IARS1: variants seen among roughly 807,000 people sequenced by gnomAD.
IARS1 encodes the protein isoleucyl-tRNA synthetase 1.
IARS1 carries 124 observed loss-of-function variants against 168.2 expected under a neutral mutation model. The ratio of observed to expected loss-of-function variants is 0.74; its 90% confidence interval spans 0.64 to 0.86. The LOEUF (loss-of-function observed/expected upper bound fraction) is 0.86, where lower values mean the gene tolerates loss of function less well. Ranked by LOEUF, IARS1 falls within the 40% of genes least tolerant of loss-of-function variation. The probability of loss-of-function intolerance (pLI) is 0.00; values close to 1 mark genes in which losing one functional copy is unlikely to be tolerated. For synonymous variants in IARS1, 532 were observed against 529.4 expected, an observed-to-expected ratio of 1.00 and a Z score of -0.07; for missense variants, 1,452 against 1,515.8, an observed-to-expected ratio of 0.96 and a Z score of 0.70.
At chr9:92,226,317 A>G (rs1019702507) in intron 31 of IARS1, among the ~76,000 whole-genome samples, 5 of 152,184 alleles carry the variant, frequency 3.3e-5, no homozygotes, top group African/African-American at 1.2e-4. Flanking sequence ...CCCTGACAAC[A>G]TTTGAGTCTG....
chr9:92,251,257 G>A (rs748673055), intron 22 of IARS1: 10 of 434,888 alleles, frequency 2.3e-5, no homozygotes, highest in East Asian at 7.1e-5. Context: ...ATTTTCCTTC[G>A]GTTAAGGAAT....
rs1831294327 is a variant in IARS1 at position 92,260,038 on chromosome 9, T to A, written c.1871+113A>T. On this transcript the variant is annotated intron_variant, in intron 18 of 33. Coordinates refer to ENST00000443024, the MANE Select transcript of IARS1 (RefSeq NM_002161.6). ...CAACATAACATCCAAATAACAGAGA[T>A]ATGTTGCTAAAAACCTAACTATAAA... 1.5e-5 allele frequency: 11 copies of A among 712,046 alleles called. No homozygotes were observed. In the East Asian group the frequency reaches 2.8e-4, roughly 18 times the overall value. The allele number at this position is 712,046 out of a possible 1,614,324, so 44.1% of individuals were successfully genotyped here.
At chr9:92,250,976 T>C in intron 22 of IARS1, 142 bp from the exon 23 acceptor site, 2 of 857,402 alleles carry the variant, frequency 2.3e-6, no homozygotes, top group Non-Finnish European at 3.6e-6. Context: ...AAACATGCCC[T>C]GTGAATGAGA....
At chr9:92,241,112 C>A (rs1339720455) in intron 29 of IARS1, 151 bp from the exon 30 acceptor site, 1 of 518,700 alleles carries the variant, frequency 1.9e-6, no homozygotes, top group Admixed American at 3.4e-5. Context: ...TCAAAAGCTA[C>A]AATTTATATC....
intron 1 of IARS1, 113 bp from the exon 2 acceptor site, chr9:92,289,539 CT>C: frequency 6.2e-6 from 4 of 648,034 alleles, no homozygotes; most frequent in Non-Finnish European, 1.1e-5. Context: ...AAAATTACAG[CT>C]TTATTGATGT....
At chr9:92,261,075 G>A (rs1371887430) in intron 17 of IARS1, among the ~76,000 whole-genome samples, 5 of 152,176 alleles carry the variant, frequency 3.3e-5, no homozygotes, top group Admixed American at 1.3e-4. Context: ...TTGGGAGGCC[G>A]AGGCAGGTGG....
intron 31 of IARS1, 26 bp downstream of exon 31, chr9:92,228,975 G>T (rs765378613): frequency 6.2e-7 from 1 of 1,613,202 alleles, no homozygotes; most frequent in South Asian, 1.1e-5. Context: ...GTCAAAGGAC[G>T]TAGGCTCCTC....
At chr9:92,228,179 G>C (rs1826064285) in intron 31 of IARS1, among the ~76,000 whole-genome samples, 1 of 152,132 alleles carries the variant, frequency 6.6e-6, no homozygotes, top group African/African-American at 2.4e-5. Flanking sequence ...AGTCATACTG[G>C]ATTAGGGGCC....
intron 33 of IARS1, among the ~76,000 whole-genome samples, chr9:92,215,312 A>C (rs1358982200): frequency 1.3e-5 from 2 of 152,082 alleles, no homozygotes; most frequent in Non-Finnish European, 2.9e-5. Context: ...TAAAACCACA[A>C]AGATGGGGAA....
chr9:92,237,603 T>C (rs922059040), intron 30 of IARS1, among the ~76,000 whole-genome samples: 2 of 152,234 alleles, frequency 1.3e-5, no homozygotes, highest in African/African-American at 2.4e-5. Flanking sequence ...CTTTAATGTC[T>C]GTATCTTTTT....
Position 92,271,190 on chromosome 9 carries a change from TTTA to T in IARS1, c.1114-117_1114-115del. On this transcript the variant is annotated intron_variant, in intron 11 of 33. Coordinates refer to ENST00000443024, the MANE Select transcript of IARS1 (RefSeq NM_002161.6). ...TAAAAGGCACAAATAACAAATATTA[TTTA>T]TTATTTTTAGTCACTAACTTTAAGT... 8.1e-6 allele frequency: 5 copies of T among 620,860 alleles called. 1 individual carries two copies. Among genetic ancestry groups the T allele is most frequent in the South Asian group, 5.8e-5 (2 of 34,510 alleles). 38.5% of individuals were successfully genotyped at this position (620,860 alleles called of 1,614,324 possible).
chr9:92,260,641 C>G (rs1471360275), intron 17 of IARS1, among the ~76,000 whole-genome samples: 1 of 151,984 alleles, frequency 6.6e-6, no homozygotes, highest in Non-Finnish European at 1.5e-5. Flanking sequence ...GGCAGCAGAG[C>G]AAGACTCTGT....
intron 30 of IARS1, among the ~76,000 whole-genome samples, chr9:92,236,806 A>G (rs1827608207): frequency 6.6e-6 from 1 of 152,212 alleles, no homozygotes; most frequent in African/African-American, 2.4e-5. Context: ...CTGAGTTGGC[A>G]TCACTGCACT....
Position 92,242,980 on chromosome 9 carries a change from T to TA in IARS1, c.3000+235dup, listed in dbSNP as rs536958865. On this transcript the variant is annotated intron_variant, in intron 28 of 33. Coordinates refer to ENST00000443024, the MANE Select transcript of IARS1 (RefSeq NM_002161.6). ...ATATTCTGTAGAAGCCCAACGGAGC[T>TA]AAAAAAAAGGATGGGAAAAGGCACA... is the stretch of plus-strand genomic sequence containing the variant. 1.1e-3 allele frequency: 484 copies of TA among 420,988 alleles called. 4 individuals carry two copies. The highest frequency in any genetic ancestry group is 1.6e-3 in the Non-Finnish European group (368 of 224,326). 26.1% of individuals were successfully genotyped at this position (420,988 alleles called of 1,614,324 possible).
rs141783555 is a variant in IARS1 at position 92,247,496 on chromosome 9, C to T, written c.2672G>A (p.Arg891Gln). ...CATGTGATCTGGTTCTGCCCTTAGC[C>T]GAATGCCATACTTGTTTTTATCTGT... is the stretch of plus-strand genomic sequence containing the variant. ...LSTDKNKYGIRLRAEPDHMVL... is the reference protein window; with the variant it reads ...LSTDKNKYGIQLRAEPDHMVL... The change falls in exon 26 of 34, where the codon CGG becomes CAG. Residue 891 changes from arginine to glutamine, a missense_variant. By Grantham distance (43) the Arg-to-Gln change is conservative (BLOSUM62 1). Transcript: ENST00000443024. 8.2e-5 allele frequency: 132 copies of T among 1,614,086 alleles called. No individual in the cohort carries two copies. The highest frequency in any genetic ancestry group is 3.6e-4 in the South Asian group (33 of 91,072).
rs200927999 is a variant in IARS1, at chr9:92,242,361, G to A, written c.3001-31C>T. 11 of 1,567,268 alleles carry A rather than the reference G, an allele frequency of 7.0e-6. No homozygotes were observed. The Admixed American group carries it at 1.0e-4, about 15-fold the overall frequency. On this transcript the variant is annotated intron_variant, in intron 28 of 33. Coordinates refer to ENST00000443024, the MANE Select transcript of IARS1 (RefSeq NM_002161.6). ...AACACACACAGAAAAATTTAAAAGG[G>A]AAGTACATTCTATTAATCAGAACTG...
At chr9:92,262,942 C>A (rs1242271234) in intron 17 of IARS1, 27 bp downstream of exon 17, 1 of 1,546,118 alleles carries the variant, frequency 6.5e-7, no homozygotes, top group East Asian at 2.2e-5. Context: ...CAAAGTTCCA[C>A]CCGTCACTAC....
chr9:92,259,415 T>C (rs1450292603), intron 18 of IARS1, among the ~76,000 whole-genome samples: 1 of 152,138 alleles, frequency 6.6e-6, no homozygotes, highest in Non-Finnish European at 1.5e-5. Flanking sequence ...AGCAGAGTCT[T>C]GACATCTGGT....
intron 17 of IARS1, among the ~76,000 whole-genome samples, chr9:92,261,477 C>A (rs758534819): frequency 1.3e-4 from 20 of 152,024 alleles, no homozygotes; most frequent in Admixed American, 3.9e-4. Context: ...AGGAAGGGAG[C>A]CTTTGATGTT....
Sources: gnomAD v4.1 joint callset for allele counts (sites outside exome capture counted in the v4.1 genomes callset) on GRCh38, gnomAD v4.1.1 for gene constraint, MANE v1.5 for transcripts, NCBI Gene and HGNC (gene_info 2026-07-23, HGNC 2026-07-21) for gene names.